CERT1: variants seen among roughly 807,000 people sequenced by gnomAD.
The protein encoded by CERT1 is ceramide transporter 1, also known as ceramide transfer protein.
A neutral mutation model predicts 87.9 loss-of-function variants in CERT1; 31 were observed. The observed-to-expected ratio is 0.35, with a 90% CI of 0.27 to 0.48. The LOEUF is 0.48. CERT1 is among the 20% of genes least tolerant of loss of function. The pLI is 0.99. For synonymous variants in CERT1, 289 were observed against 250.9 expected, an observed-to-expected ratio of 1.15 and a Z score of -1.44; for missense variants, 487 against 758.0, an observed-to-expected ratio of 0.64 and a Z score of 4.20.
chr5:75,378,536 T>A lies in CERT1; in HGVS notation c.*810A>T, dbSNP rs1309395643. Reference sequence around the variant, plus strand: ...CAGACATTAACATGGGACTAGTTAATAAATTCTGCAACATGCATGTAACAG... The same window carrying A: ...CAGACATTAACATGGGACTAGTTAAAAAATTCTGCAACATGCATGTAACAG... On this transcript the variant is annotated 3_prime_UTR_variant, in exon 17 of 17. Transcript: ENST00000643780. The A allele has an allele frequency of 6.6e-6, 1 of 152,210 alleles. No individual in the cohort carries two copies. Among genetic ancestry groups the A allele is most frequent in the Admixed American group, 6.5e-5 (1 of 15,278 alleles). 9.4% of individuals were successfully genotyped at this position (152,210 alleles called of 1,614,324 possible). A position where few individuals can be genotyped will look rare whatever the true frequency, so the allele number is the denominator to read the frequency against.
At chr5:75,447,450 ATTTAT>A (rs1401201031) in intron 3 of CERT1, among the ~76,000 whole-genome samples, 1 of 145,486 alleles carries the variant, frequency 6.9e-6, no homozygotes, top group Non-Finnish European at 1.5e-5. Context: ...AAAAAAATTT[ATTTAT>A]TTATTTATTT....
intron 11 of CERT1, among the ~76,000 whole-genome samples, chr5:75,394,117 A>C (rs1446424119): frequency 6.6e-6 from 1 of 152,208 alleles, no homozygotes; most frequent in Non-Finnish European, 1.5e-5. Context: ...GTATTGACAA[A>C]AGTTAACTGA....
chr5:75,467,384 G>A (rs1008706928), intron 2 of CERT1, among the ~76,000 whole-genome samples: 7 of 152,314 alleles, frequency 4.6e-5, no homozygotes, highest in Middle Eastern at 3.4e-3. Context: ...GCTCACGCCT[G>A]TAATCCTAGC....
chr5:75,398,721 T>G (rs1252689666), intron 11 of CERT1, among the ~76,000 whole-genome samples: 1 of 152,182 alleles, frequency 6.6e-6, no homozygotes, highest in Non-Finnish European at 1.5e-5. Context: ...TGTCTTAAAT[T>G]CCTAAACCCT....
chr5:75,422,792 G>C (rs1763443131), intron 5 of CERT1, among the ~76,000 whole-genome samples: 2 of 152,282 alleles, frequency 1.3e-5, no homozygotes, highest in South Asian at 4.2e-4. Context: ...CAGTAATTAA[G>C]TTAACATGGG....
intron 2 of CERT1, among the ~76,000 whole-genome samples, chr5:75,498,479 C>A (rs1767182866): frequency 1.3e-5 from 2 of 152,174 alleles, no homozygotes; most frequent in Admixed American, 6.5e-5. Context: ...GACCTGGCGC[C>A]CTGTGTCTCA....
At chr5:75,422,978 G>A (rs78589954) in intron 5 of CERT1, among the ~76,000 whole-genome samples, 192 of 152,276 alleles carry the variant, frequency 1.3e-3, no homozygotes, top group Non-Finnish European at 2.4e-3. Flanking sequence ...AACCAACCCT[G>A]CCAATACCTT....
rs141325237 is a variant in CERT1, at chr5:75,469,637, G to A, written c.232-10456C>T. Among the ~76,000 whole-genome samples, 174 of 152,128 alleles carry A rather than the reference G, an allele frequency of 1.1e-3. 1 individual carries two copies. The highest frequency in any genetic ancestry group is 7.4e-3 in the Admixed American group (113 of 15,282). On this transcript the variant is annotated intron_variant, in intron 2 of 16. Coordinates refer to ENST00000643780, the MANE Select transcript of CERT1 (RefSeq NM_001379029.1). ...ATAAATATAAAGCAAGGAATCAAAT[G>A]TACTATTAGAGATAATCACTTAGCC...
At chr5:75,490,189 C>A (rs766301442) in intron 2 of CERT1, among the ~76,000 whole-genome samples, 2 of 152,088 alleles carry the variant, frequency 1.3e-5, no homozygotes. Flanking sequence ...CACGCCGGGG[C>A]CTGTCGGGAG....
chr5:75,440,012 A>G (rs939152893), intron 3 of CERT1, among the ~76,000 whole-genome samples: 1 of 152,084 alleles, frequency 6.6e-6, no homozygotes, highest in Admixed American at 6.5e-5. Context: ...AATTAGACAC[A>G]TTACTTATTG....
rs569011372 is a variant in CERT1 at position 75,392,766 on chromosome 5, G to C, written c.1189-3079C>G. On this transcript the variant is annotated intron_variant, in intron 11 of 16. Transcript: ENST00000643780. ...GGGCAGATCACAAGGTCAGGAGTTC[G>C]AGACCATCCTGCCTAACATGGTAAA... Among the ~76,000 whole-genome samples the C allele has an allele frequency of 4.6e-3, 705 of 151,802 alleles. 5 individuals are homozygous for C. The highest frequency in any genetic ancestry group is 0.016 in the African/African-American group (672 of 41,414).
At chr5:75,453,842 GA>G (rs1764860308) in intron 3 of CERT1, among the ~76,000 whole-genome samples, 1 of 152,026 alleles carries the variant, frequency 6.6e-6, no homozygotes, top group African/African-American at 2.4e-5. Context: ...GAGAGAGAGA[GA>G]GCACGAGTGG....
intron 2 of CERT1, among the ~76,000 whole-genome samples, chr5:75,480,784 C>G (rs551588122): frequency 1.9e-4 from 29 of 152,284 alleles, no homozygotes; most frequent in African/African-American, 5.5e-4. Context: ...CTCTCACACT[C>G]CATAGGAATT....
At chr5:75,427,079 A>G (rs1763650427) in intron 3 of CERT1, among the ~76,000 whole-genome samples, 1 of 152,178 alleles carries the variant, frequency 6.6e-6, no homozygotes, top group South Asian at 2.1e-4. Flanking sequence ...TCGACAGTTC[A>G]TGGCACGAAG....
intron 10 of CERT1, among the ~76,000 whole-genome samples, chr5:75,399,843 T>C (rs1486211791): frequency 6.6e-6 from 1 of 152,178 alleles, no homozygotes. Flanking sequence ...ACTTATATAC[T>C]ACAAGATATT....
At chr5:75,470,983 T>C (rs921950214) in intron 2 of CERT1, among the ~76,000 whole-genome samples, 4 of 152,190 alleles carry the variant, frequency 2.6e-5, no homozygotes, top group African/African-American at 9.6e-5. Context: ...TAATCCCATT[T>C]AGAATAGCTA....
At chr5:75,389,869 G>A (rs1761960580) in intron 11 of CERT1, among the ~76,000 whole-genome samples, 182 bp from the exon 12 acceptor site, 1 of 152,134 alleles carries the variant, frequency 6.6e-6, no homozygotes, top group Admixed American at 6.6e-5. Flanking sequence ...CAGATATCCA[G>A]GTTAATGACA....
At chr5:75,486,052 A>G (rs746030575) in intron 2 of CERT1, among the ~76,000 whole-genome samples, 7 of 152,110 alleles carry the variant, frequency 4.6e-5, no homozygotes, top group Non-Finnish European at 8.8e-5. Flanking sequence ...CACATCAAAC[A>G]AAGAAAATTG....
intron 2 of CERT1, among the ~76,000 whole-genome samples, chr5:75,485,634 G>C (rs1029256250): frequency 6.6e-6 from 1 of 151,834 alleles, no homozygotes; most frequent in Non-Finnish European, 1.5e-5. Flanking sequence ...CTAAGAAAAA[G>C]AGAGAAGACC....
Sources: gnomAD v4.1 joint callset for allele counts (sites outside exome capture counted in the v4.1 genomes callset) on GRCh38, gnomAD v4.1.1 for gene constraint, MANE v1.5 for transcripts, NCBI Gene and HGNC (gene_info 2026-07-23, HGNC 2026-07-21) for gene names.